The following BAZ1A variants were observed in gnomAD, a reference collection of about 807,000 sequenced individuals.
BAZ1A encodes bromodomain adjacent to zinc finger domain 1A.
A neutral mutation model predicts 185.2 loss-of-function variants in BAZ1A; 50 were observed. That is an observed-to-expected ratio of 0.27 (90% confidence interval 0.22 to 0.34). The LOEUF (loss-of-function observed/expected upper bound fraction) is 0.34, where lower values mean the gene tolerates loss of function less well. BAZ1A is among the 10% of genes least tolerant of loss of function. The pLI is 1.00. For missense variants in BAZ1A, 1,356 were observed against 1,839.9 expected (o/e 0.74, Z 4.81); for synonymous variants, 571 against 615.6 (o/e 0.93, Z 1.07).
intron 3 of BAZ1A, among the ~76,000 whole-genome samples, chr14:34,850,053 C>T (rs149248460): frequency 1.0e-3 from 155 of 152,130 alleles, no homozygotes; most frequent in African/African-American, 3.4e-3. Context: ...TATCTGTACG[C>T]ACAAATAGAC....
intron 8 of BAZ1A, 91 bp from the exon 9 acceptor site, chr14:34,800,481 T>G: frequency 9.2e-7 from 1 of 1,088,018 alleles, no homozygotes; most frequent in Non-Finnish European, 1.3e-6. Context: ...CTTGAAATAA[T>G]TTAAAGTTAA....
intron 3 of BAZ1A, among the ~76,000 whole-genome samples, chr14:34,857,217 A>G (rs2042696845): frequency 1.3e-5 from 2 of 152,046 alleles, no homozygotes; most frequent in Admixed American, 6.6e-5. Context: ...CGTGTTAGCC[A>G]GGATGGTCTC....
chr14:34,859,922 A>G (rs1320292984), intron 3 of BAZ1A, among the ~76,000 whole-genome samples: 2 of 152,156 alleles, frequency 1.3e-5, no homozygotes, highest in African/African-American at 2.4e-5. Flanking sequence ...ACCCTCCCCA[A>G]ACGCCCCAAC....
At position 34,829,668 on chromosome 14, in the gene BAZ1A, G is replaced by T. The variant is rs141973038; in HGVS notation, c.393-3512C>A. Among the ~76,000 whole-genome samples, 53 of 152,102 alleles carry T rather than the reference G, an allele frequency of 3.5e-4. 1 individual carries two copies. Among genetic ancestry groups the T allele is most frequent in the African/African-American group, 1.2e-3 (51 of 41,496 alleles). On this transcript the variant is annotated intron_variant, in intron 3 of 26. Transcript: ENST00000360310. ...GAAAGTCACAATAATCTAACTATTGGTCAACAAATCCAAAGTATTGTATTA... is the reference window on the plus strand; with the variant it reads ...GAAAGTCACAATAATCTAACTATTGTTCAACAAATCCAAAGTATTGTATTA...
rs769689693 is a variant in BAZ1A at position 34,776,362 on chromosome 14, A to G, written c.2390T>C (p.Ile797Thr). The part of the protein sequence containing the change: ...KELLEKIQSA[I>T]ACTNIFPLGR... ...CAAGGGAAAGATATTGGTACAGGCTATGGCACTTTGGATTTTTTCTAAGAG... is the reference window on the plus strand; with the variant it reads ...CAAGGGAAAGATATTGGTACAGGCTGTGGCACTTTGGATTTTTTCTAAGAG... Residue 797 changes from isoleucine (I) to threonine (T), a missense_variant, in exon 18 of 27, where the codon ATA (isoleucine) becomes ACA (threonine). Physicochemically the swap from Ile to Thr is moderately conservative, Grantham distance 89. This residue lies in a region of BAZ1A where 434 missense variants were observed against 561.7 expected (regional missense o/e 0.77). Coordinates refer to ENST00000360310, the MANE Select transcript of BAZ1A (RefSeq NM_013448.3). The G allele has an allele frequency of 2.9e-5, 46 of 1,614,022 alleles. No homozygotes were observed. Among genetic ancestry groups the G allele is most frequent in the Non-Finnish European group, 3.7e-5 (44 of 1,180,026 alleles).
chr14:34,822,060 C>T (rs541341632), intron 4 of BAZ1A, among the ~76,000 whole-genome samples: 8 of 151,872 alleles, frequency 5.3e-5, no homozygotes, highest in Non-Finnish European at 1.2e-4. Context: ...TTTGGGAGAC[C>T]AAGGCGGGTG....
At chr14:34,757,258 G>A (rs1013264904) in intron 25 of BAZ1A, among the ~76,000 whole-genome samples, 3 of 151,092 alleles carry the variant, frequency 2.0e-5, no homozygotes, top group Non-Finnish European at 1.5e-5. Flanking sequence ...CCAGCTACTC[G>A]GGAGGCTGAG....
At chr14:34,806,381 G>C (rs1285042592) in intron 6 of BAZ1A, among the ~76,000 whole-genome samples, 1 of 152,042 alleles carries the variant, frequency 6.6e-6, no homozygotes, top group African/African-American at 2.4e-5. Context: ...CTGTTGTGCA[G>C]ATTACTTTAT....
At chr14:34,784,514 T>G (rs1167094038) in intron 14 of BAZ1A, among the ~76,000 whole-genome samples, 5 of 152,050 alleles carry the variant, frequency 3.3e-5, no homozygotes, top group Admixed American at 6.5e-5. Context: ...TCAAGTTTTT[T>G]TTTGTTTGTT....
chr14:34,852,356 T>C (rs1594903123), intron 3 of BAZ1A, among the ~76,000 whole-genome samples: 1 of 152,254 alleles, frequency 6.6e-6, no homozygotes, highest in South Asian at 2.1e-4. Context: ...CAATGGCTCA[T>C]GCCTGTAATC....
intron 3 of BAZ1A, among the ~76,000 whole-genome samples, chr14:34,841,495 G>A (rs972429120): frequency 3.3e-5 from 5 of 152,126 alleles, no homozygotes; most frequent in Middle Eastern, 3.4e-3. Flanking sequence ...GGGTTCAAGC[G>A]ATTCCCACCT....
intron 3 of BAZ1A, among the ~76,000 whole-genome samples, chr14:34,847,978 G>C (rs2042540264): frequency 6.6e-6 from 1 of 151,952 alleles, no homozygotes. Context: ...TCCCACCTCA[G>C]TCTCCCAAGT....
At chr14:34,852,224 T>C (rs1443065299) in intron 3 of BAZ1A, among the ~76,000 whole-genome samples, 1 of 152,214 alleles carries the variant, frequency 6.6e-6, no homozygotes, top group African/African-American at 2.4e-5. Context: ...TGTTAACTTT[T>C]GGAGTTTCCT....
intron 2 of BAZ1A, among the ~76,000 whole-genome samples, chr14:34,872,941 A>AACAAC (rs1555346584): frequency 2.4e-4 from 30 of 122,620 alleles, no homozygotes; most frequent in Middle Eastern, 4.2e-3. Context: ...AAAAAAAAAA[A>AACAAC]CTTGTCCAAT....
At chr14:34,810,300 T>C (rs1008525401) in intron 5 of BAZ1A, among the ~76,000 whole-genome samples, 1 of 152,228 alleles carries the variant, frequency 6.6e-6, no homozygotes, top group African/African-American at 2.4e-5. Flanking sequence ...TATATCTGTA[T>C]AACCTAAAGC....
chr14:34,855,556 T>C (rs1434566451), intron 3 of BAZ1A, among the ~76,000 whole-genome samples: 1 of 152,222 alleles, frequency 6.6e-6, no homozygotes, highest in Non-Finnish European at 1.5e-5. Flanking sequence ...GGGATGTTTA[T>C]TGTATTTTTA....
At chr14:34,788,655 A>G (rs1880653284) in intron 12 of BAZ1A, among the ~76,000 whole-genome samples, 1 of 152,110 alleles carries the variant, frequency 6.6e-6, no homozygotes, top group Non-Finnish European at 1.5e-5. Flanking sequence ...TTCTTCCAAA[A>G]AAAAAAATTT....
At chr14:34,788,882 G>A (rs1880667176) in intron 12 of BAZ1A, among the ~76,000 whole-genome samples, 1 of 152,040 alleles carries the variant, frequency 6.6e-6, no homozygotes, top group Admixed American at 6.6e-5. Context: ...CCCTACCAAA[G>A]TTCAAAGCCT....
Position 34,754,896 on chromosome 14 carries a change from T to A in BAZ1A, c.4405A>T (p.Ile1469Phe), listed in dbSNP as rs767006466. ...SKIQVPDYYD[I>F]IKKPIALNII... ...TTTAAGGCAATGGGCTTTTTGATGA[T>A]GTCATAGTAGTCTGGGACCTGTAAA... Residue 1469 changes from isoleucine (I) to phenylalanine (F), a missense_variant, in exon 26 of 27, where the codon ATC becomes TTC. Transcript: ENST00000360310. 1.2e-6 allele frequency: 2 copies of A among 1,604,082 alleles called. No individual in the cohort carries two copies. Among genetic ancestry groups the A allele is most frequent in the African/African-American group, 2.7e-5 (2 of 74,580 alleles).
Sources: allele counts gnomAD v4.1 joint callset (sites outside exome capture counted in the v4.1 genomes callset), GRCh38; gene constraint gnomAD v4.1.1; regional missense constraint gnomAD v4.1.1; transcripts MANE v1.5; gene names NCBI Gene and HGNC (gene_info 2026-07-23, HGNC 2026-07-21).